PACRG: variants seen among roughly 807,000 people sequenced by gnomAD.
PACRG encodes parkin coregulated gene protein.
In PACRG, 29 loss-of-function variants were observed where a neutral mutation model predicts 29.7. The ratio of observed to expected loss-of-function variants is 0.98; its 90% CI spans 0.73 to 1.33. The LOEUF (loss-of-function observed/expected upper bound fraction) is 1.33, where lower values mean the gene tolerates loss of function less well. PACRG is among the 40% of genes most tolerant of loss of function. PACRG has a pLI of 0.00. For synonymous variants in PACRG, 116 were observed against 118.7 expected, an observed-to-expected ratio of 0.98 and a Z score of 0.15; for missense variants, 279 against 316.2, an observed-to-expected ratio of 0.88 and a Z score of 0.89.
chr6:162,865,848 T>C (rs975926439), intron 2 of PACRG, among the ~76,000 whole-genome samples: 1 of 152,070 alleles, frequency 6.6e-6, no homozygotes, highest in African/African-American at 2.4e-5. Flanking sequence ...ACAAACAAAA[T>C]AGCAAAGATT....
At chr6:162,828,179 G>T (rs1455933687) in intron 2 of PACRG, among the ~76,000 whole-genome samples, 1 of 152,128 alleles carries the variant, frequency 6.6e-6, no homozygotes, top group East Asian at 1.9e-4. Context: ...GTGGTTATCT[G>T]TGACTTTTAA....
At chr6:163,166,712 T>A (rs1205681133) in intron 4 of PACRG, among the ~76,000 whole-genome samples, 1 of 152,214 alleles carries the variant, frequency 6.6e-6, no homozygotes, top group Non-Finnish European at 1.5e-5. Context: ...TAAGCATTTT[T>A]ATGCCATCTG....
intron 2 of PACRG, among the ~76,000 whole-genome samples, chr6:162,917,089 C>T (rs994346182): frequency 3.3e-5 from 5 of 152,062 alleles, no homozygotes; most frequent in African/African-American, 1.2e-4. Context: ...AGCTTTGCTT[C>T]GAGTCTCACA....
At chr6:162,846,255 G>C (rs1790368764) in intron 2 of PACRG, among the ~76,000 whole-genome samples, 1 of 152,110 alleles carries the variant, frequency 6.6e-6, no homozygotes, top group Non-Finnish European at 1.5e-5. Context: ...GCAGCCCCAG[G>C]GAGCACAACT....
chr6:162,997,406 A>C (rs1165175766), intron 2 of PACRG: 3 of 454,636 alleles, frequency 6.6e-6, no homozygotes, highest in African/African-American at 6.0e-5. Context: ...TCCTTCTTAG[A>C]TTCTAGGAAT....
At chr6:162,955,276 T>TTTG (rs143480282) in intron 2 of PACRG, among the ~76,000 whole-genome samples, 52 of 151,930 alleles carry the variant, frequency 3.4e-4, no homozygotes, top group African/African-American at 1.0e-3. Flanking sequence ...GAAATCTATT[T>TTTG]TTGTTGTTGT....
At chr6:163,037,218 G>A (rs557331571) in intron 2 of PACRG, among the ~76,000 whole-genome samples, 1 of 152,310 alleles carries the variant, frequency 6.6e-6, no homozygotes, top group African/African-American at 2.4e-5. Flanking sequence ...GGGTCTCAGG[G>A]CTTCACTTCC....
chr6:163,281,580 A>G (rs1238370019), intron 4 of PACRG, among the ~76,000 whole-genome samples: 1 of 152,194 alleles, frequency 6.6e-6, no homozygotes, highest in African/African-American at 2.4e-5. Flanking sequence ...GATAGTGTAC[A>G]TTTAATTTCA....
chr6:163,168,629 C>A (rs1184229735), intron 4 of PACRG, among the ~76,000 whole-genome samples: 4 of 152,188 alleles, frequency 2.6e-5, no homozygotes, highest in Non-Finnish European at 2.9e-5. Flanking sequence ...TTTGGCCCAA[C>A]TGTATGTAAT....
chr6:162,772,271 G>A (rs552649427), intron 1 of PACRG, among the ~76,000 whole-genome samples: 32 of 152,188 alleles, frequency 2.1e-4, no homozygotes, highest in African/African-American at 7.5e-4. Flanking sequence ...AATAGCATGA[G>A]AATAACTACG....
intron 1 of PACRG, among the ~76,000 whole-genome samples, chr6:162,810,379 A>G (rs57387662): frequency 3.0e-3 from 450 of 152,336 alleles, no homozygotes; most frequent in African/African-American, 0.01. Context: ...TGTATCAAAC[A>G]TACTGGTTTC....
At chr6:163,298,426 A>G (rs1045038071) in intron 4 of PACRG, among the ~76,000 whole-genome samples, 7 of 152,240 alleles carry the variant, frequency 4.6e-5, no homozygotes, top group Admixed American at 2.0e-4. Flanking sequence ...AGGCACCCGT[A>G]TGTGTTGCTG....
At chr6:163,011,681 A>G (rs1360995265) in intron 2 of PACRG, among the ~76,000 whole-genome samples, 1 of 152,224 alleles carries the variant, frequency 6.6e-6, no homozygotes, top group Non-Finnish European at 1.5e-5. Flanking sequence ...TAAACTTTCC[A>G]ATTTTTTAAC....
intron 3 of PACRG, among the ~76,000 whole-genome samples, chr6:163,088,519 C>T (rs1052869573): frequency 1.3e-5 from 2 of 152,128 alleles, no homozygotes; most frequent in African/African-American, 4.8e-5. Context: ...TCCTGATTCC[C>T]GACCCCCTGC....
intron 3 of PACRG, among the ~76,000 whole-genome samples, chr6:163,083,107 C>T (rs1813233108): frequency 1.3e-5 from 2 of 152,286 alleles, no homozygotes; most frequent in Admixed American, 6.5e-5. Flanking sequence ...TTGTCAACAA[C>T]TTTGTGTTAA....
intron 3 of PACRG, among the ~76,000 whole-genome samples, chr6:163,082,622 C>T (rs535421311): frequency 6.6e-6 from 1 of 152,282 alleles, no homozygotes; most frequent in African/African-American, 2.4e-5. Flanking sequence ...GTTAGCGTCT[C>T]AGTACACAAG....
At chr6:162,962,894 T>C (rs1800744697) in intron 2 of PACRG, among the ~76,000 whole-genome samples, 1 of 152,188 alleles carries the variant, frequency 6.6e-6, no homozygotes, top group East Asian at 1.9e-4. Flanking sequence ...CGTGCCTCTG[T>C]TCAGGTTGTT....
intron 4 of PACRG, among the ~76,000 whole-genome samples, chr6:163,307,792 C>T (rs994060406): frequency 1.3e-5 from 2 of 152,174 alleles, no homozygotes; most frequent in African/African-American, 4.8e-5. Context: ...CAGATAACTT[C>T]ACGGCTTCTC....
At chr6:162,820,154 A>C (rs751104363) in intron 2 of PACRG, among the ~76,000 whole-genome samples, 1 of 152,204 alleles carries the variant, frequency 6.6e-6, no homozygotes, top group Non-Finnish European at 1.5e-5. Context: ...GCACTTGAAC[A>C]CCCAAGTAAA....
Sources: gnomAD v4.1 joint callset for allele counts (sites outside exome capture counted in the v4.1 genomes callset) on GRCh38, gnomAD v4.1.1 for gene constraint, MANE v1.5 for transcripts, NCBI Gene and HGNC (gene_info 2026-07-23, HGNC 2026-07-21) for gene names.